STOX2: variants seen among roughly 807,000 people sequenced by gnomAD.
STOX2 encodes the protein storkhead box 2, also known as storkhead-box protein 2.
A neutral mutation model predicts 60.9 loss-of-function variants in STOX2; 28 were observed. That is an observed-to-expected ratio of 0.46 (90% CI 0.34 to 0.63). The LOEUF (loss-of-function observed/expected upper bound fraction) is 0.63, where lower values mean the gene tolerates loss of function less well. Ranked by LOEUF, STOX2 falls within the 30% of genes least tolerant of loss-of-function variation. The pLI, the probability that STOX2 is intolerant of heterozygous loss-of-function variation, is 0.01. For synonymous variants in STOX2, 472 were observed against 463.9 expected (o/e 1.02, Z -0.22); for missense variants, 1,024 against 1,187.7 (o/e 0.86, Z 2.03).
intron 1 of STOX2, among the ~76,000 whole-genome samples, chr4:183,859,034 G>A (rs966277450): frequency 2.0e-5 from 3 of 152,020 alleles, no homozygotes; most frequent in African/African-American, 7.3e-5. Context: ...CTCTTCTATA[G>A]GAAAGGTTTT....
At chr4:183,863,397 T>A (rs927585244) in intron 1 of STOX2, among the ~76,000 whole-genome samples, 1 of 152,226 alleles carries the variant, frequency 6.6e-6, no homozygotes, top group Non-Finnish European at 1.5e-5. Flanking sequence ...CTAAATGAGC[T>A]CTTGAAAGAG....
In STOX2 at chr4:184,018,344, A is replaced by AT. The variant is rs1734459190; in HGVS notation, c.*1065dup. The AT allele has an allele frequency of 6.6e-6, 1 of 152,154 alleles. No homozygotes were observed. Among genetic ancestry groups the AT allele is most frequent in the Non-Finnish European group, 1.5e-5 (1 of 68,038 alleles). The allele number at this position is 152,154 out of a possible 1,614,324, so 9.4% of individuals were successfully genotyped here. A position where few individuals can be genotyped will look rare whatever the true frequency, so the allele number is the denominator to read the frequency against. On this transcript the variant is annotated 3_prime_UTR_variant, in exon 4 of 4. Transcript: ENST00000308497. The stretch of plus-strand genomic sequence containing the variant: ...TGCCTAAATTAGGCTGTGGGAGATA[A>AT]TTTTTAGTGGTTGTAGGAAAGAGCA...
At chr4:183,977,782 T>G (rs375236989) in intron 1 of STOX2, among the ~76,000 whole-genome samples, 25 of 152,194 alleles carry the variant, frequency 1.6e-4, no homozygotes, top group Non-Finnish European at 3.1e-4. Flanking sequence ...TCCATAGAGG[T>G]TGTACTAATT....
chr4:184,014,326 G>GACT (rs1734279811), intron 3 of STOX2: 4 of 152,088 alleles, frequency 2.6e-5, no homozygotes, highest in Admixed American at 2.6e-4. Flanking sequence ...AAGTCTTGAC[G>GACT]TGAGAAGCCT....
chr4:183,939,453 G>A (rs1248720445), intron 1 of STOX2, among the ~76,000 whole-genome samples: 1 of 152,184 alleles, frequency 6.6e-6, no homozygotes, highest in East Asian at 1.9e-4. Flanking sequence ...AGTAATCCAG[G>A]ATGATCTTCT....
chr4:183,879,335 A>G (rs1301217636), intron 1 of STOX2, among the ~76,000 whole-genome samples: 1 of 152,140 alleles, frequency 6.6e-6, no homozygotes, highest in Non-Finnish European at 1.5e-5. Flanking sequence ...GCATGGACAT[A>G]TTTGTGCAGT....
At chr4:183,961,732 A>G (rs1743420157) in intron 1 of STOX2, among the ~76,000 whole-genome samples, 1 of 152,172 alleles carries the variant, frequency 6.6e-6, no homozygotes, top group African/African-American at 2.4e-5. Context: ...CTACCCCTCT[A>G]TATGGTTTCC....
rs1739704451 is a variant in STOX2 at position 183,836,225 on chromosome 4, T to C, written c.364+38170T>C. Among the ~76,000 whole-genome samples, 1 of 152,174 alleles carries C rather than the reference T, an allele frequency of 6.6e-6. No individual in the cohort carries two copies. Among genetic ancestry groups the C allele is most frequent in the South Asian group, 2.1e-4 (1 of 4,830 alleles). The stretch of plus-strand genomic sequence containing the variant: ...TGAGAGTCATTGACTTTGGTATTTG[T>C]TGTTTGGACTCTCCTTCTCCTGGCT... On this transcript the variant is annotated intron_variant, in intron 1 of 2. Coordinates refer to the STOX2 transcript ENST00000513034. This position sits in a 1 kb window ranked among gnomAD's most constrained non-coding sequence, Gnocchi z 4.1.
intron 1 of STOX2, among the ~76,000 whole-genome samples, chr4:183,859,868 C>T (rs1740389911): frequency 6.6e-6 from 1 of 152,032 alleles, no homozygotes; most frequent in Non-Finnish European, 1.5e-5. Context: ...TTCCTTGTCA[C>T]AATATTCTGT....
intron 1 of STOX2, among the ~76,000 whole-genome samples, chr4:183,849,867 A>T (rs1161406971): frequency 6.6e-6 from 1 of 152,146 alleles, no homozygotes; most frequent in East Asian, 1.9e-4. Context: ...TTTTTCCCAG[A>T]TTCCTCCAAT....
chr4:184,001,268 C>T lies in STOX2; in HGVS notation c.167-57C>T. 1 of 1,582,022 alleles carries T rather than the reference C, an allele frequency of 6.3e-7. No homozygotes were observed. Among genetic ancestry groups the T allele is most frequent in the Non-Finnish European group, 8.7e-7 (1 of 1,154,774 alleles). On this transcript the variant is annotated intron_variant, in intron 1 of 3. Coordinates refer to ENST00000308497, the MANE Select transcript of STOX2 (RefSeq NM_020225.3). This position sits in a 1 kb window ranked among gnomAD's most constrained non-coding sequence, Gnocchi z 4.2. ...CAGATGGACGCGTGAAGGCGTGTGT[C>T]TGACAGATGACCGGGTCTTTTAATG...
chr4:183,942,334 AG>A (rs1431503736), intron 1 of STOX2, among the ~76,000 whole-genome samples: 2 of 133,406 alleles, frequency 1.5e-5, no homozygotes, highest in Admixed American at 7.9e-5. Flanking sequence ...CCAGGCTTCT[AG>A]GTTTTTTTTT....
At chr4:184,005,508 C>A in intron 2 of STOX2, among the ~76,000 whole-genome samples, 1 of 70,408 alleles carries the variant, frequency 1.4e-5, no homozygotes. Context: ...CAGTGTCATG[C>A]AGTGTTTTAA....
intron 2 of STOX2, among the ~76,000 whole-genome samples, chr4:184,005,640 G>A (rs1002447541): frequency 4.6e-5 from 7 of 152,146 alleles, no homozygotes; most frequent in Admixed American, 1.3e-4. Flanking sequence ...ATGAACTTTC[G>A]GAGTCGAATT....
intron 1 of STOX2, among the ~76,000 whole-genome samples, chr4:183,854,341 C>T (rs1372463874): frequency 6.6e-6 from 1 of 152,078 alleles, no homozygotes; most frequent in African/African-American, 2.4e-5. Context: ...ATAACTTGGG[C>T]CAATGGTTAG....
upstream of STOX2, among the ~76,000 whole-genome samples, chr4:183,903,598 A>G (rs1741511589): frequency 6.6e-6 from 1 of 152,220 alleles, no homozygotes; most frequent in South Asian, 2.1e-4. Context: ...TTGCTGAATG[A>G]ATGACTATCA....
Position 183,806,845 on chromosome 4 carries a change from C to A in STOX2, c.364+8790C>A, listed in dbSNP as rs184794039. On this transcript the variant is annotated intron_variant, in intron 1 of 2. Coordinates refer to the STOX2 transcript ENST00000513034. This position sits in a 1 kb window ranked among gnomAD's most constrained non-coding sequence, Gnocchi z 4.1. ...CAGGACGGTAGGGCCCAGGACATGC[C>A]CTTGTAAGGCAAGTGGTCTTCAGAG... 5.5e-4 allele frequency among the ~76,000 whole-genome samples: 83 copies of A among 152,278 alleles called. No individual in the cohort carries two copies. The Middle Eastern group carries it at 0.014, about 25-fold the overall frequency.
rs111449132 is a variant in STOX2 at position 183,830,902 on chromosome 4, ATT to A, written c.364+32862_364+32863del. 5.8e-3 allele frequency among the ~76,000 whole-genome samples: 816 copies of A among 139,686 alleles called. 7 individuals carry two copies. The highest frequency in any genetic ancestry group is 0.02 in the African/African-American group (763 of 37,330). The allele number at this position is 139,686 out of a possible 152,430, so 91.6% of individuals were successfully genotyped here. A position where few individuals can be genotyped will look rare whatever the true frequency, so the allele number is the denominator to read the frequency against. On this transcript the variant is annotated intron_variant, in intron 1 of 2. Transcript: ENST00000513034. ...TAACAGGCAGGTCTGCATTTTTAGA[ATT>A]TTTTTTTTTTTTTTGGCTAGCTGTA...
chr4:183,828,882 GA>G (rs1560834568), intron 1 of STOX2, among the ~76,000 whole-genome samples: 2 of 152,190 alleles, frequency 1.3e-5, no homozygotes, highest in African/African-American at 4.8e-5. Context: ...ACTAGACAGA[GA>G]ATCATGGGTA....
Sources: gnomAD v4.1 joint callset for allele counts (sites outside exome capture counted in the v4.1 genomes callset) on GRCh38, gnomAD v4.1.1 for gene constraint, Gnocchi (gnomAD v3.1) non-coding constraint, MANE v1.5 for transcripts, NCBI Gene and HGNC (gene_info 2026-07-23, HGNC 2026-07-21) for gene names.